ETV6: variants seen among roughly 807,000 people sequenced by gnomAD.
The protein encoded by ETV6 is ETS variant transcription factor 6.
In ETV6, 16 loss-of-function variants were observed where a neutral mutation model predicts 51.1. The observed-to-expected ratio is 0.31, with a 90% CI of 0.21 to 0.48. The LOEUF (loss-of-function observed/expected upper bound fraction) is 0.48. Among genes scored for constraint, ETV6 ranks in the 20% least tolerant of loss-of-function variants. The probability of loss-of-function intolerance (pLI) is 0.99; values close to 1 mark genes in which losing one functional copy is unlikely to be tolerated. For missense variants in ETV6, 458 were observed against 594.8 expected, an observed-to-expected ratio of 0.77 and a Z score of 2.39; for synonymous variants, 240 against 224.1, an observed-to-expected ratio of 1.07 and a Z score of -0.64.
At chr12:11,862,052 A>G (rs180968984) in intron 4 of ETV6, among the ~76,000 whole-genome samples, 1 of 152,308 alleles carries the variant, frequency 6.6e-6, no homozygotes, top group East Asian at 1.9e-4. Flanking sequence ...TCCCCTGGAA[A>G]GGTGGCCTGT....
At chr12:11,797,751 G>A (rs553581965) in intron 2 of ETV6, among the ~76,000 whole-genome samples, 1 of 152,272 alleles carries the variant, frequency 6.6e-6, no homozygotes, top group African/African-American at 2.4e-5. Context: ...TGGGCCGTAG[G>A]GGCAGACAGC....
intron 4 of ETV6, among the ~76,000 whole-genome samples, chr12:11,863,071 C>A (rs1462783112): frequency 5.9e-5 from 9 of 152,174 alleles, no homozygotes; most frequent in East Asian, 3.9e-4. Context: ...TTAGGGAAAG[C>A]ACGGTGGTGG....
At chr12:11,685,444 G>A (rs1305769812) in intron 1 of ETV6, among the ~76,000 whole-genome samples, 2 of 152,106 alleles carry the variant, frequency 1.3e-5, no homozygotes, top group East Asian at 3.9e-4. Context: ...TCTATTTTCT[G>A]CTGGGAAGTT....
intron 2 of ETV6, chr12:11,769,024 A>G: frequency 2.2e-6 from 1 of 448,564 alleles, no homozygotes; most frequent in South Asian, 1.6e-5. Context: ...TAAGCAAGGA[A>G]GGAACTCAGA....
intron 6 of ETV6, among the ~76,000 whole-genome samples, chr12:11,885,358 C>T (rs1356701205): frequency 6.6e-6 from 1 of 152,222 alleles, no homozygotes; most frequent in Non-Finnish European, 1.5e-5. Context: ...CACTGACAGA[C>T]ACTTCCATGT....
intron 1 of ETV6, among the ~76,000 whole-genome samples, chr12:11,742,672 A>T (rs1334119736): frequency 2.6e-5 from 4 of 152,250 alleles, no homozygotes; most frequent in African/African-American, 9.6e-5. Context: ...TAAGGCTTAC[A>T]TAAAAAAGTA....
intron 2 of ETV6, among the ~76,000 whole-genome samples, chr12:11,794,702 C>T (rs1945651867): frequency 6.6e-6 from 1 of 152,142 alleles, no homozygotes; most frequent in South Asian, 2.1e-4. Context: ...CCAGTCATTT[C>T]AGATTTGTGG....
chr12:11,801,222 T>G (rs577078933), intron 2 of ETV6, among the ~76,000 whole-genome samples: 2 of 152,326 alleles, frequency 1.3e-5, no homozygotes. Context: ...TGACCAATTC[T>G]TTGTAGCTTT....
chr12:11,800,031 GA>G (rs1447843701), intron 2 of ETV6, among the ~76,000 whole-genome samples: 1 of 152,166 alleles, frequency 6.6e-6, no homozygotes, highest in African/African-American at 2.4e-5. Flanking sequence ...GTCCATCTCT[GA>G]AGAGCAGGGC....
At chr12:11,850,976 T>C (rs549510216) in intron 3 of ETV6, among the ~76,000 whole-genome samples, 1 of 152,316 alleles carries the variant, frequency 6.6e-6, no homozygotes, top group South Asian at 2.1e-4. Flanking sequence ...GACCTTTCCC[T>C]CCTTTAACCC....
intron 1 of ETV6, among the ~76,000 whole-genome samples, chr12:11,652,244 A>G (rs1422511798): frequency 1.3e-5 from 2 of 152,164 alleles, no homozygotes; most frequent in Non-Finnish European, 2.9e-5. Flanking sequence ...CTTAGACTGC[A>G]TGTGTCTAGG....
At chr12:11,687,430 C>T (rs147976262) in intron 1 of ETV6, among the ~76,000 whole-genome samples, 21 of 152,184 alleles carry the variant, frequency 1.4e-4, no homozygotes, top group Admixed American at 3.9e-4. Flanking sequence ...GATCCACCCG[C>T]GTCGGCCTCC....
intron 1 of ETV6, among the ~76,000 whole-genome samples, chr12:11,704,425 C>A (rs1286850114): frequency 6.6e-6 from 1 of 152,184 alleles, no homozygotes; most frequent in Non-Finnish European, 1.5e-5. Flanking sequence ...CAGCTCACTG[C>A]AACCTCTGCC....
At chr12:11,791,248 G>A (rs564053636) in intron 2 of ETV6, among the ~76,000 whole-genome samples, 1 of 151,928 alleles carries the variant, frequency 6.6e-6, no homozygotes, top group South Asian at 2.1e-4. Flanking sequence ...ATCTCTTCTG[G>A]TGTCTTTGTC....
At position 11,659,885 on chromosome 12, in the gene ETV6, C is replaced by T. The variant is rs375637201; in HGVS notation, c.33+9725C>T. The stretch of plus-strand genomic sequence containing the variant: ...CTGCCCACCTCACTTGCAGGTGTGG[C>T]CTGGAAGAGTGCCGGGGTCTCTAAT... On this transcript the variant is annotated intron_variant, in intron 1 of 7. Transcript: ENST00000396373. Among the ~76,000 whole-genome samples the T allele has an allele frequency of 4.6e-5, 7 of 152,128 alleles. No individual in the cohort carries two copies. In the East Asian group the frequency reaches 1.3e-3, roughly 29 times the overall value.
At chr12:11,667,646 C>T (rs1864219815) in intron 1 of ETV6, among the ~76,000 whole-genome samples, 1 of 150,856 alleles carries the variant, frequency 6.6e-6, no homozygotes, top group Admixed American at 6.6e-5. Context: ...CCTCCCACCT[C>T]AGCTTCCCAA....
intron 2 of ETV6, among the ~76,000 whole-genome samples, chr12:11,787,136 G>A (rs995240337): frequency 3.9e-5 from 6 of 152,194 alleles, no homozygotes; most frequent in Admixed American, 1.3e-4. Context: ...GGTTAAGCAA[G>A]CTGTGGAAGC....
chr12:11,792,312 G>A (rs1428882451), intron 2 of ETV6, among the ~76,000 whole-genome samples: 2 of 152,204 alleles, frequency 1.3e-5, no homozygotes, highest in Non-Finnish European at 2.9e-5. Context: ...AGACATTGAA[G>A]TGTTGGCCGG....
intron 1 of ETV6, among the ~76,000 whole-genome samples, chr12:11,747,064 C>CCACAGCAACATTGAGTTTG (rs1482814835): frequency 2.0e-5 from 3 of 152,086 alleles, no homozygotes; most frequent in Non-Finnish European, 4.4e-5. Flanking sequence ...TGGAAGATCC[C>CCACAGCAACATTGAGTTTG]CACAGCAACA....
Sources: allele counts gnomAD v4.1 joint callset (sites outside exome capture counted in the v4.1 genomes callset), GRCh38; gene constraint gnomAD v4.1.1; transcripts MANE v1.5; gene names NCBI Gene and HGNC (gene_info 2026-07-23, HGNC 2026-07-21).